Variants in LRRC53 observed in about 807,000 individuals in gnomAD.
The protein encoded by LRRC53 is leucine rich repeat containing 53.
In LRRC53, 25 loss-of-function variants were observed where a neutral mutation model predicts 13.6. The ratio of observed to expected loss-of-function variants is 1.83; its 90% CI spans 1.34 to 2.56. LRRC53 has a LOEUF of 2.56. LRRC53 is among the 30% of genes most tolerant of loss of function. The probability of loss-of-function intolerance (pLI) is 0.00; values close to 1 mark genes in which losing one functional copy is unlikely to be tolerated. For synonymous variants in LRRC53, 204 were observed against 109.8 expected, an observed-to-expected ratio of 1.86 and a Z score of -5.37; for missense variants, 527 against 275.8, an observed-to-expected ratio of 1.91 and a Z score of -6.45.
chr1:74,518,627 C>G, the LRRC53 span, among the ~76,000 whole-genome samples: 2 of 152,166 alleles, frequency 1.3e-5, no homozygotes, highest in Non-Finnish European at 2.9e-5. Flanking sequence ...GGGGAGCACA[C>G]TGTCAGTGCA....
At chr1:74,489,366 C>G (rs1668929839) in intron 1 of LRRC53, 1 of 954,426 alleles carries the variant, frequency 1.0e-6, no homozygotes, top group South Asian at 2.0e-5. Context: ...ATAACTCCAT[C>G]CATATTTGCC....
rs2100734746 is a variant in LRRC53, at chr1:74,470,383, C to A, written c.3239G>T (p.Gly1080Val). 2.5e-6 allele frequency: 1 copy of A among 400,566 alleles called. No homozygotes were observed. Among genetic ancestry groups the A allele is most frequent in the East Asian group, 3.6e-5 (1 of 28,064 alleles). 24.8% of individuals were successfully genotyped at this position (400,566 alleles called of 1,614,324 possible). A position where few individuals can be genotyped will look rare whatever the true frequency, so the allele number is the denominator to read the frequency against. Reference sequence around the variant, plus strand: ...ATCAAGCATATTTTTCTCTTCTTTCCCTACTATTTTTATCTCTAGTGCTTC... The same window carrying A: ...ATCAAGCATATTTTTCTCTTCTTTCACTACTATTTTTATCTCTAGTGCTTC... ...GTEALEIKIV[G>V]KEEKNMLDES... Residue 1080 changes from glycine (G) to valine (V), a missense_variant, in exon 5 of 5, where the codon GGG becomes GTG. Gly to Val is a moderately radical substitution (Grantham distance 109, BLOSUM62 -3). Transcript: ENST00000294635.
At chr1:74,494,741 C>T (rs1669243401) in intron 1 of LRRC53, among the ~76,000 whole-genome samples, 1 of 152,132 alleles carries the variant, frequency 6.6e-6, no homozygotes, top group South Asian at 2.1e-4. Context: ...ATGACCTTGT[C>T]AAGTTATTTA....
intron 1 of LRRC53, among the ~76,000 whole-genome samples, chr1:74,505,672 TA>T: frequency 6.6e-6 from 1 of 152,250 alleles, no homozygotes; most frequent in East Asian, 1.9e-4. Context: ...AATTTTCTTG[TA>T]AAAAAACACA....
chr1:74,518,896 T>C, the LRRC53 span, among the ~76,000 whole-genome samples: 6 of 106,936 alleles, frequency 5.6e-5, no homozygotes, highest in African/African-American at 1.2e-4. Context: ...TTTTTTTTTA[T>C]TATACTCTAA....
intron 2 of LRRC53, among the ~76,000 whole-genome samples, chr1:74,482,918 T>A (rs1668576002): frequency 1.3e-5 from 2 of 152,182 alleles, no homozygotes; most frequent in African/African-American, 4.8e-5. Flanking sequence ...TCTGATTCAT[T>A]GATATTTCTT....
the LRRC53 span, among the ~76,000 whole-genome samples, chr1:74,530,083 G>A: frequency 6.6e-6 from 1 of 152,204 alleles, no homozygotes; most frequent in East Asian, 1.9e-4. Flanking sequence ...TACTGCCTTG[G>A]CCTCCCAAAG....
At chr1:74,515,637 G>A (rs1055911569), upstream of LRRC53, among the ~76,000 whole-genome samples, 24 of 152,152 alleles carry the variant, frequency 1.6e-4, no homozygotes, top group African/African-American at 5.6e-4. Context: ...GCTGACATCC[G>A]ATGTAGTCAA....
intron 3 of LRRC53, 67 bp downstream of exon 3, chr1:74,480,086 C>T (rs778021698): frequency 1.5e-6 from 1 of 652,164 alleles, no homozygotes; most frequent in Admixed American, 2.4e-5. Flanking sequence ...ATAAGCATCA[C>T]TTAGCATGCT....
At chr1:74,506,682 T>G (rs1422316876) in intron 1 of LRRC53, among the ~76,000 whole-genome samples, 1 of 152,196 alleles carries the variant, frequency 6.6e-6, no homozygotes, top group Admixed American at 6.5e-5. Flanking sequence ...GAATCTGCAT[T>G]TTAACAAGAT....
At chr1:74,500,495 T>C (rs1669561811) in intron 1 of LRRC53, among the ~76,000 whole-genome samples, 1 of 149,880 alleles carries the variant, frequency 6.7e-6, no homozygotes, top group African/African-American at 2.4e-5. Flanking sequence ...TCCCAGCTAC[T>C]TGGGAGGCTG....
intron 1 of LRRC53, among the ~76,000 whole-genome samples, chr1:74,511,255 C>T (rs1252030499): frequency 1.3e-5 from 2 of 151,330 alleles, no homozygotes; most frequent in South Asian, 4.2e-4. Flanking sequence ...TGCAATGGTG[C>T]GATCTCGGCT....
At chr1:74,504,282 C>A (rs1346433352) in intron 1 of LRRC53, among the ~76,000 whole-genome samples, 3 of 152,112 alleles carry the variant, frequency 2.0e-5, no homozygotes, top group African/African-American at 7.2e-5. Flanking sequence ...ACTAAAGTAA[C>A]CATGTTAGCT....
At chr1:74,534,220 C>T in the LRRC53 span, among the ~76,000 whole-genome samples, 3 of 108,066 alleles carry the variant, frequency 2.8e-5, no homozygotes, top group Admixed American at 9.4e-5. Context: ...TTTAATTTCA[C>T]TCTTAACTTT....
At position 74,471,190 on chromosome 1, in the gene LRRC53, G is replaced by A; in HGVS notation, c.2432C>T (p.Ala811Val). Residue 811 changes from alanine (A) to valine (V), a missense_variant, in exon 5 of 5, where the codon GCT (alanine) becomes GTT (valine). By Grantham distance (64) the Ala-to-Val change is moderately conservative. Transcript: ENST00000294635. ...CTGGTTGACTACACGCAAGTTGTTA[G>A]CACTGAGCAGGGGGGCACGTTTAGT... ...RNTKRAPLLS[A>V]NNLRVVNQSS... 1 of 400,730 alleles carries A rather than the reference G, an allele frequency of 2.5e-6. No homozygotes were observed. Among genetic ancestry groups the A allele is most frequent in the Non-Finnish European group, 4.4e-6 (1 of 226,188 alleles). 24.8% of individuals were successfully genotyped at this position (400,730 alleles called of 1,614,324 possible). A position where few individuals can be genotyped will look rare whatever the true frequency, so the allele number is the denominator to read the frequency against.
At chr1:74,475,012 C>T (rs200845644) in intron 4 of LRRC53, among the ~76,000 whole-genome samples, 117 of 145,888 alleles carry the variant, frequency 8.0e-4, no homozygotes, top group African/African-American at 2.8e-3. Context: ...TACTTTTTTT[C>T]TTTTTTTAAC....
At chr1:74,534,166 T>C in the LRRC53 span, among the ~76,000 whole-genome samples, 1 of 152,076 alleles carries the variant, frequency 6.6e-6, no homozygotes, top group Non-Finnish European at 1.5e-5. Flanking sequence ...TAGTAGAACG[T>C]AATGTTCTGG....
At chr1:74,533,607 G>C in the LRRC53 span, among the ~76,000 whole-genome samples, 49 of 152,078 alleles carry the variant, frequency 3.2e-4, no homozygotes, top group Non-Finnish European at 8.8e-5. Flanking sequence ...AAAGACACAT[G>C]CACACATATG....
rs1184876723 is a variant in LRRC53 at position 74,470,848 on chromosome 1, G to A, written c.2774C>T (p.Pro925Leu). ...TSELNQFSLS[P>L]RNQTQLLDAH... is the part of the protein sequence containing the mutation. ...ATCTAAAAGTTGTGTTTGATTCCTC[G>A]GGGACAAAGAAAACTGATTTAACTC... Residue 925 changes from proline to leucine, a missense_variant, in exon 5 of 5, where the codon CCG becomes CTG. Pro to Leu is a moderately conservative substitution (Grantham distance 98, BLOSUM62 -3). Coordinates refer to ENST00000294635, the MANE Select transcript of LRRC53 (RefSeq NM_001382280.1). The A allele has an allele frequency of 2.5e-6, 1 of 400,510 alleles. No homozygotes were observed. Among genetic ancestry groups the A allele is most frequent in the Non-Finnish European group, 4.4e-6 (1 of 226,148 alleles). 24.8% of individuals were successfully genotyped at this position (400,510 alleles called of 1,614,324 possible). A position where few individuals can be genotyped will look rare whatever the true frequency, so the allele number is the denominator to read the frequency against.
Sources: gnomAD v4.1 joint callset for allele counts (sites outside exome capture counted in the v4.1 genomes callset) on GRCh38, gnomAD v4.1.1 for gene constraint, MANE v1.5 for transcripts, NCBI Gene and HGNC (gene_info 2026-07-23, HGNC 2026-07-21) for gene names.